The following SLC49A4 variants were observed in gnomAD, a reference collection of about 807,000 sequenced individuals.
SLC49A4 encodes the protein solute carrier family 49 member 4, also known as disrupted in renal cancer protein 2.
A neutral mutation model predicts 50.6 loss-of-function variants in SLC49A4; 36 were observed. The observed-to-expected ratio is 0.71, with a 90% CI of 0.55 to 0.94. The LOEUF is 0.94. Ranked by LOEUF, SLC49A4 falls within the 40% of genes least tolerant of loss-of-function variation. The probability of loss-of-function intolerance (pLI) is 0.00; values close to 1 mark genes in which losing one functional copy is unlikely to be tolerated. For synonymous variants in SLC49A4, 248 were observed against 241.2 expected (o/e 1.03, Z -0.26); for missense variants, 503 against 605.7 (o/e 0.83, Z 1.78).
chr3:122,844,897 A>G (rs557353893), intron 4 of SLC49A4, among the ~76,000 whole-genome samples: 1 of 152,014 alleles, frequency 6.6e-6, no homozygotes. Flanking sequence ...ATACCTGTAC[A>G]TACACATATT....
At chr3:122,847,068 C>A (rs1200774830) in intron 5 of SLC49A4, among the ~76,000 whole-genome samples, 1 of 152,176 alleles carries the variant, frequency 6.6e-6, no homozygotes, top group East Asian at 1.9e-4. Context: ...GGTAACACCT[C>A]ATTCACACTT....
chr3:122,855,170 G>C (rs1936970963), intron 5 of SLC49A4, among the ~76,000 whole-genome samples: 1 of 152,120 alleles, frequency 6.6e-6, no homozygotes, highest in Non-Finnish European at 1.5e-5. Flanking sequence ...TTTGCACAAT[G>C]CTCAAGTGCC....
intron 5 of SLC49A4, among the ~76,000 whole-genome samples, chr3:122,850,283 A>G (rs1467227922): frequency 6.6e-6 from 1 of 152,216 alleles, no homozygotes; most frequent in Non-Finnish European, 1.5e-5. Flanking sequence ...GAGAATTACT[A>G]TATTTTGTAA....
At chr3:122,842,472 C>G (rs1413480278) in intron 4 of SLC49A4, among the ~76,000 whole-genome samples, 3 of 102,300 alleles carry the variant, frequency 2.9e-5, no homozygotes, top group Admixed American at 3.2e-4. Context: ...GGCGACAGAG[C>G]GAGACTCCGT....
rs889608795 is a variant in SLC49A4 at position 122,854,918 on chromosome 3, A to C, written c.943-1389A>C. Among the ~76,000 whole-genome samples, 6 of 152,170 alleles carry C rather than the reference A, an allele frequency of 3.9e-5. No homozygotes were observed. In the East Asian group the frequency reaches 7.8e-4, roughly 20 times the overall value. On this transcript the variant is annotated intron_variant, in intron 5 of 8. Coordinates refer to ENST00000261038, the MANE Select transcript of SLC49A4 (RefSeq NM_032839.3). The stretch of plus-strand genomic sequence containing the variant: ...CATCCTGGCTAACACGGTGAAACCC[A>C]GTCTCTACTAAAAAAATACAAAAAA...
chr3:122,827,643 G>A (rs992369908), intron 3 of SLC49A4, among the ~76,000 whole-genome samples: 2 of 152,058 alleles, frequency 1.3e-5, no homozygotes, highest in African/African-American at 2.4e-5. Context: ...AGTCTCCTAC[G>A]GATTTTCATA....
At chr3:122,837,013 AG>A (rs1229228719) in intron 4 of SLC49A4, among the ~76,000 whole-genome samples, 2 of 152,216 alleles carry the variant, frequency 1.3e-5, no homozygotes, top group African/African-American at 4.8e-5. Context: ...AGGGATGTGA[AG>A]GACCTCTTCA....
intron 5 of SLC49A4, among the ~76,000 whole-genome samples, chr3:122,855,704 A>G (rs1012490617): frequency 7.2e-5 from 11 of 152,184 alleles, no homozygotes; most frequent in Admixed American, 5.9e-4. Context: ...AGCACTTCCT[A>G]TGTCTTGGCC....
At chr3:122,854,705 G>A (rs190918230) in intron 5 of SLC49A4, among the ~76,000 whole-genome samples, 1 of 152,326 alleles carries the variant, frequency 6.6e-6, no homozygotes, top group East Asian at 1.9e-4. Flanking sequence ...GTTCCAGCTA[G>A]GAACTGGGAC....
At chr3:122,805,541 A>G (rs1225576370) in intron 1 of SLC49A4, among the ~76,000 whole-genome samples, 1 of 152,186 alleles carries the variant, frequency 6.6e-6, no homozygotes, top group Non-Finnish European at 1.5e-5. Context: ...TACATCAGTC[A>G]GTTTATGTCT....
intron 1 of SLC49A4, among the ~76,000 whole-genome samples, chr3:122,805,312 T>C (rs1456882086): frequency 6.6e-6 from 1 of 152,222 alleles, no homozygotes; most frequent in Non-Finnish European, 1.5e-5. Context: ...ATCCAGATTA[T>C]ATAAGAATAT....
intron 5 of SLC49A4, among the ~76,000 whole-genome samples, chr3:122,846,698 A>G (rs1036671688): frequency 6.6e-6 from 1 of 152,208 alleles, no homozygotes; most frequent in African/African-American, 2.4e-5. Context: ...TGATAATATT[A>G]GTCTTTTTCA....
intron 3 of SLC49A4, among the ~76,000 whole-genome samples, chr3:122,830,747 C>T (rs1047554786): frequency 6.6e-6 from 1 of 152,070 alleles, no homozygotes; most frequent in African/African-American, 2.4e-5. Flanking sequence ...TTATAAAAGA[C>T]ACCAAAAGCA....
chr3:122,807,867 A>T (rs1285119060), intron 2 of SLC49A4, among the ~76,000 whole-genome samples: 1 of 152,216 alleles, frequency 6.6e-6, no homozygotes, highest in East Asian at 1.9e-4. Context: ...TACTTTACTC[A>T]CTGGATAGTG....
intron 1 of SLC49A4, among the ~76,000 whole-genome samples, chr3:122,804,503 A>G (rs16833532): frequency 1.3e-5 from 2 of 152,294 alleles, no homozygotes; most frequent in African/African-American, 4.8e-5. Context: ...ACATGGAATT[A>G]TAGAGTTATG....
intron 1 of SLC49A4, among the ~76,000 whole-genome samples, 171 bp from the exon 2 acceptor site, chr3:122,806,686 T>C (rs1335470435): frequency 6.6e-6 from 1 of 151,516 alleles, no homozygotes; most frequent in Non-Finnish European, 1.5e-5. Context: ...CATCATTTCA[T>C]TTTCAGCATG....
rs1486417498 is a variant in SLC49A4 at position 122,826,939 on chromosome 3, G to C, written c.577G>C (p.Gly193Arg). Residue 193 changes from glycine to arginine, a missense_variant, in exon 3 of 9, where the codon GGG (glycine) becomes CGG (arginine). Physicochemically the swap from Gly to Arg is moderately radical, Grantham distance 125 (BLOSUM62 -2). Coordinates refer to ENST00000261038, the MANE Select transcript of SLC49A4 (RefSeq NM_032839.3). Reference protein sequence around the residue: ...TAIASMLSYLGGACAFLVGPL... With the variant: ...TAIASMLSYLRGACAFLVGPL... ...TATTGCATCAATGCTCAGTTATCTT[G>C]GGGGAGCATGTGCATTTTTAGTTGG... 1.2e-6 allele frequency: 2 copies of C among 1,614,104 alleles called. No homozygotes were observed. Among genetic ancestry groups the C allele is most frequent in the African/African-American group, 1.3e-5 (1 of 74,940 alleles).
chr3:122,823,067 T>C (rs780559027), intron 2 of SLC49A4, among the ~76,000 whole-genome samples: 10 of 152,226 alleles, frequency 6.6e-5, no homozygotes, highest in Non-Finnish European at 8.8e-5. Context: ...TCTTTCAGCC[T>C]TGCCCTTCCA....
chr3:122,835,675 T>C (rs1054499419), intron 4 of SLC49A4, among the ~76,000 whole-genome samples: 15 of 152,090 alleles, frequency 9.9e-5, no homozygotes, highest in African/African-American at 2.9e-4. Flanking sequence ...CTTGAAAGTA[T>C]TTCCCCTGAG....
Sources: gnomAD v4.1 joint callset for allele counts (sites outside exome capture counted in the v4.1 genomes callset) on GRCh38, gnomAD v4.1.1 for gene constraint, MANE v1.5 for transcripts, NCBI Gene and HGNC (gene_info 2026-07-23, HGNC 2026-07-21) for gene names.